BIN3: variants seen among roughly 807,000 people sequenced by gnomAD.
BIN3 encodes bridging integrator 3.
In BIN3, 41 loss-of-function variants were observed where a neutral mutation model predicts 38.2. The ratio of observed to expected loss-of-function variants is 1.07; its 90% confidence interval spans 0.84 to 1.39. The LOEUF (loss-of-function observed/expected upper bound fraction) is 1.39, where lower values mean the gene tolerates loss of function less well. BIN3 is among the 40% of genes most tolerant of loss of function. The pLI, the probability that BIN3 is intolerant of heterozygous loss-of-function variation, is 0.00. For synonymous variants in BIN3, 145 were observed against 122.6 expected, an observed-to-expected ratio of 1.18 and a Z score of -1.21; for missense variants, 361 against 324.3, an observed-to-expected ratio of 1.11 and a Z score of -0.87.
At chr8:22,639,217 C>G (rs1404697555) in intron 2 of BIN3, among the ~76,000 whole-genome samples, 1 of 151,670 alleles carries the variant, frequency 6.6e-6, no homozygotes, top group African/African-American at 2.4e-5. Context: ...GCTGTGGAGA[C>G]TTGATAGTAC....
chr8:22,630,019 C>T lies in BIN3; in HGVS notation c.298-15G>A, dbSNP rs1213625462. 6.2e-7 allele frequency: 1 copy of T among 1,606,430 alleles called. No individual in the cohort carries two copies. Among genetic ancestry groups the T allele is most frequent in the African/African-American group, 1.3e-5 (1 of 74,832 alleles). On this transcript the variant is annotated splice_polypyrimidine_tract_variant and intron_variant, in intron 5 of 8. Coordinates refer to ENST00000276416, the MANE Select transcript of BIN3 (RefSeq NM_018688.6). The stretch of plus-strand genomic sequence containing the variant: ...ATCTGGTTCACCTGTCAAAGAAAAA[C>T]CCAAAGACATTAAAACTGGTGGGGA...
chr8:22,642,904 A>C (rs1163630982), intron 2 of BIN3, among the ~76,000 whole-genome samples: 1 of 152,142 alleles, frequency 6.6e-6, no homozygotes, highest in African/African-American at 2.4e-5. Context: ...AGATGCGAGG[A>C]AGGGAAGAGG....
At position 22,650,709 on chromosome 8, in the gene BIN3, A is replaced by G. The variant is rs1802862755; in HGVS notation, c.9-5906T>C. 3.3e-5 allele frequency among the ~76,000 whole-genome samples: 5 copies of G among 152,360 alleles called. No homozygotes were observed. The South Asian group carries it at 1.0e-3, about 32-fold the overall frequency. On this transcript the variant is annotated intron_variant, in intron 1 of 8. Transcript: ENST00000276416. ...TTCTAGTATTTACCTTTGCACATCT[A>G]AAGATAAATGCTTATACTGCTACCT...
intron 6 of BIN3, chr8:22,629,646 C>T: frequency 4.4e-6 from 2 of 458,138 alleles, no homozygotes; most frequent in Non-Finnish European, 8.0e-6. Context: ...CTCCATTCAG[C>T]AAGCCCTGGC....
At chr8:22,647,825 G>A (rs1437055890) in intron 1 of BIN3, among the ~76,000 whole-genome samples, 1 of 152,114 alleles carries the variant, frequency 6.6e-6, no homozygotes, top group Non-Finnish European at 1.5e-5. Flanking sequence ...CATTTAAAAA[G>A]TTTTAAAGAA....
intron 6 of BIN3, 179 bp downstream of exon 6, chr8:22,629,785 G>T (rs1563949256): frequency 1.5e-6 from 1 of 648,456 alleles, no homozygotes; most frequent in Non-Finnish European, 2.7e-6. Context: ...GTACTCTGGA[G>T]CCCCCAGGAG....
At chr8:22,646,963 T>C (rs1802733712) in intron 1 of BIN3, among the ~76,000 whole-genome samples, 1 of 152,312 alleles carries the variant, frequency 6.6e-6, no homozygotes, top group Admixed American at 6.5e-5. Context: ...ACAGACAGCC[T>C]GTATTCTGTG....
At chr8:22,663,218 G>A (rs1205973434) in intron 1 of BIN3, among the ~76,000 whole-genome samples, 2 of 151,688 alleles carry the variant, frequency 1.3e-5, no homozygotes, top group African/African-American at 4.9e-5. Context: ...GTGTGTGTGT[G>A]TGTGTGTGTG....
At position 22,636,920 on chromosome 8, in the gene BIN3, A is replaced by G. The variant is rs1489371484; in HGVS notation, c.98+2T>C. The G allele has an allele frequency of 6.2e-7, 1 of 1,612,384 alleles. No homozygotes were observed. The highest frequency in any genetic ancestry group is 1.1e-5 in the South Asian group (1 of 91,046). ...CCTCATCTTTCTGGGGTTGACACTC[A>G]CTGCTGAAGTTTTCCATACTCCCTT... is the stretch of plus-strand genomic sequence containing the variant. On this transcript the variant is annotated splice_donor_variant, in intron 3 of 8. Coordinates refer to ENST00000276416, the MANE Select transcript of BIN3 (RefSeq NM_018688.6). LOFTEE classifies it high-confidence loss of function.
chr8:22,652,764 G>A (rs62494265), intron 1 of BIN3, among the ~76,000 whole-genome samples: 1 of 152,156 alleles, frequency 6.6e-6, no homozygotes, highest in African/African-American at 2.4e-5. Context: ...GCTAATAAAT[G>A]ACACAAACAT....
chr8:22,630,104 G>A, intron 5 of BIN3, 100 bp from the exon 6 acceptor site: 1 of 1,250,026 alleles, frequency 8.0e-7, no homozygotes, highest in Non-Finnish European at 1.1e-6. Context: ...AGTCTAAAGG[G>A]CCACAGGGTG....
chr8:22,639,050 G>C (rs1338829843), intron 2 of BIN3, among the ~76,000 whole-genome samples: 1 of 152,244 alleles, frequency 6.6e-6, no homozygotes, highest in Non-Finnish European at 1.5e-5. Context: ...AGACTCTGGT[G>C]TAACTGCAGG....
intron 1 of BIN3, among the ~76,000 whole-genome samples, chr8:22,659,311 C>T (rs1224476760): frequency 6.6e-6 from 1 of 152,188 alleles, no homozygotes; most frequent in Non-Finnish European, 1.5e-5. Flanking sequence ...TTAGCTTGAT[C>T]CAAAACCAGA....
intron 5 of BIN3, 83 bp from the exon 6 acceptor site, chr8:22,630,087 G>A (rs1802140575): frequency 2.2e-6 from 3 of 1,387,788 alleles, no homozygotes; most frequent in Non-Finnish European, 3.0e-6. Context: ...CTACCAAAGG[G>A]CTAGGAAGTC....
At chr8:22,628,235 G>T (rs1802067071) in intron 6 of BIN3, among the ~76,000 whole-genome samples, 2 of 152,234 alleles carry the variant, frequency 1.3e-5, no homozygotes, top group Non-Finnish European at 2.9e-5. Context: ...CCAGAGACTG[G>T]GGATTAGAGG....
chr8:22,629,825 C>A, intron 6 of BIN3, 139 bp downstream of exon 6: 1 of 836,340 alleles, frequency 1.2e-6, no homozygotes, highest in Non-Finnish European at 2.0e-6. Context: ...GGTCACAGAG[C>A]TGACGTCCCC....
At chr8:22,627,405 A>T (rs745820337) in intron 6 of BIN3, among the ~76,000 whole-genome samples, 14 of 152,084 alleles carry the variant, frequency 9.2e-5, no homozygotes, top group Non-Finnish European at 1.9e-4. Flanking sequence ...AACAGAACAG[A>T]CTTTGCCAAA....
chr8:22,652,705 G>A (rs548120314), intron 1 of BIN3, among the ~76,000 whole-genome samples: 2 of 152,202 alleles, frequency 1.3e-5, no homozygotes, highest in Admixed American at 6.5e-5. Flanking sequence ...AGGCATGAAA[G>A]TGAATATTTA....
chr8:22,664,867 G>A (rs554811244), intron 1 of BIN3, among the ~76,000 whole-genome samples: 2 of 152,342 alleles, frequency 1.3e-5, no homozygotes, highest in South Asian at 4.1e-4. Flanking sequence ...GGTAATCATA[G>A]GGGAAAGGAC....
Sources: allele counts gnomAD v4.1 joint callset (sites outside exome capture counted in the v4.1 genomes callset), GRCh38; gene constraint gnomAD v4.1.1; transcripts MANE v1.5; gene names NCBI Gene and HGNC (gene_info 2026-07-23, HGNC 2026-07-21).